Variants in NWD2 observed in about 807,000 individuals in gnomAD.
NWD2 encodes NACHT and WD repeat domain containing 2, also known as NACHT and WD repeat domain-containing protein 2.
Under a neutral mutation model 132.7 loss-of-function variants are expected in NWD2, and 37 were observed. That is an observed-to-expected ratio of 0.28 (90% CI 0.21 to 0.37). The LOEUF is 0.37. Ranked by LOEUF, NWD2 falls within the 10% of genes least tolerant of loss-of-function variation. The pLI is 1.00. For missense variants in NWD2, 1,592 were observed against 2,122.4 expected (o/e 0.75, Z 4.91); for synonymous variants, 705 against 803.0 (o/e 0.88, Z 2.06).
chr4:37,319,292 A>T (rs1406036275), intron 1 of NWD2, among the ~76,000 whole-genome samples: 1 of 152,000 alleles, frequency 6.6e-6, no homozygotes, highest in Non-Finnish European at 1.5e-5. Flanking sequence ...GTACCTCTTC[A>T]TGTCTTTTGC....
chr4:37,268,096 A>G (rs1334815100), intron 1 of NWD2, among the ~76,000 whole-genome samples: 1 of 151,872 alleles, frequency 6.6e-6, no homozygotes, highest in African/African-American at 2.4e-5. Flanking sequence ...GAAACATCAA[A>G]CTACTCTCAC....
intron 1 of NWD2, among the ~76,000 whole-genome samples, chr4:37,316,881 G>A (rs73807486): frequency 0.025 from 3,768 of 152,156 alleles, 152 homozygotes; most frequent in African/African-American, 0.086. Flanking sequence ...TCACCTCTGA[G>A]TGATGTTTTT....
intron 2 of NWD2, among the ~76,000 whole-genome samples, chr4:37,349,188 T>G (rs758126095): frequency 5.9e-5 from 9 of 152,112 alleles, no homozygotes; most frequent in Non-Finnish European, 1.2e-4. Flanking sequence ...AATCCTTTGG[T>G]TATATACCCA....
chr4:37,385,764 T>G (rs550860940), intron 3 of NWD2, among the ~76,000 whole-genome samples: 1 of 152,260 alleles, frequency 6.6e-6, no homozygotes, highest in South Asian at 2.1e-4. Context: ...ATTAATGATA[T>G]AAACATCCCT....
At chr4:37,314,997 T>C (rs1039565895) in intron 1 of NWD2, among the ~76,000 whole-genome samples, 1 of 152,172 alleles carries the variant, frequency 6.6e-6, no homozygotes, top group African/African-American at 2.4e-5. Context: ...CCTTTGTGAA[T>C]TTTTGATGCA....
intron 1 of NWD2, among the ~76,000 whole-genome samples, chr4:37,279,229 G>C (rs1718082218): frequency 6.6e-6 from 1 of 152,086 alleles, no homozygotes; most frequent in Admixed American, 6.6e-5. Flanking sequence ...CCATTTGGAA[G>C]CCAAAATAAA....
chr4:37,282,887 C>T (rs1718157074), intron 1 of NWD2, among the ~76,000 whole-genome samples: 2 of 152,132 alleles, frequency 1.3e-5, no homozygotes, highest in Admixed American at 1.3e-4. Context: ...GTAATTATAA[C>T]AGGTACTGTT....
intron 1 of NWD2, among the ~76,000 whole-genome samples, chr4:37,308,102 T>C (rs1560390722): frequency 1.3e-5 from 2 of 152,236 alleles, no homozygotes; most frequent in Non-Finnish European, 2.9e-5. Context: ...TTGCATCAAT[T>C]TCCTTTGCCT....
intron 3 of NWD2, among the ~76,000 whole-genome samples, chr4:37,372,167 A>T (rs1720242137): frequency 6.6e-6 from 1 of 152,208 alleles, no homozygotes; most frequent in African/African-American, 2.4e-5. Context: ...ACACTATATT[A>T]AAACTAAACA....
intron 1 of NWD2, among the ~76,000 whole-genome samples, chr4:37,288,666 ATC>A (rs1718294948): frequency 6.6e-6 from 1 of 152,210 alleles, no homozygotes; most frequent in South Asian, 2.1e-4. Flanking sequence ...AGGCTTCAGA[ATC>A]TCTTCTGCCT....
chr4:37,278,303 A>G (rs951076511), intron 1 of NWD2, among the ~76,000 whole-genome samples: 1 of 152,176 alleles, frequency 6.6e-6, no homozygotes, highest in Non-Finnish European at 1.5e-5. Context: ...CATGACTACA[A>G]CCTTGGGTGA....
intron 1 of NWD2, among the ~76,000 whole-genome samples, chr4:37,305,040 G>T (rs1381042523): frequency 6.6e-6 from 1 of 152,180 alleles, no homozygotes; most frequent in Admixed American, 6.5e-5. Flanking sequence ...CTAGGTGGAG[G>T]TTCTCAAACC....
In NWD2 at chr4:37,334,621, G is replaced by A. The variant is rs188487161; in HGVS notation, c.240+8597G>A. ...CTCATAAATCTGTCCCACATGGGCCGCTGGTACACTGAGCCAAGATTGAAT... is the reference window on the plus strand; with the variant it reads ...CTCATAAATCTGTCCCACATGGGCCACTGGTACACTGAGCCAAGATTGAAT... On this transcript the variant is annotated intron_variant, in intron 2 of 6. Transcript: ENST00000309447. 1.8e-4 allele frequency among the ~76,000 whole-genome samples: 28 copies of A among 152,250 alleles called. No individual in the cohort carries two copies. The East Asian group carries it at 3.3e-3, about 18-fold the overall frequency.
intron 3 of NWD2, among the ~76,000 whole-genome samples, chr4:37,364,213 G>A (rs1720040430): frequency 6.6e-6 from 1 of 152,200 alleles, no homozygotes; most frequent in Admixed American, 6.5e-5. Flanking sequence ...CTTAGTTACA[G>A]TATTGGAGAA....
chr4:37,388,862 T>C (rs1167409669), intron 3 of NWD2, among the ~76,000 whole-genome samples: 1 of 151,190 alleles, frequency 6.6e-6, no homozygotes, highest in Non-Finnish European at 1.5e-5. Flanking sequence ...TCTGTACATG[T>C]TAAGCAATAA....
chr4:37,270,070 C>T (rs1269215447), intron 1 of NWD2, among the ~76,000 whole-genome samples: 1 of 151,708 alleles, frequency 6.6e-6, no homozygotes. Flanking sequence ...CTGAAGAGTA[C>T]TGAAATTGGG....
intron 1 of NWD2, among the ~76,000 whole-genome samples, chr4:37,283,993 T>C (rs1361539532): frequency 1.3e-5 from 2 of 152,206 alleles, no homozygotes; most frequent in African/African-American, 2.4e-5. Flanking sequence ...TTTAAAAATA[T>C]TTGACAATAT....
chr4:37,292,367 C>T (rs961531579), intron 1 of NWD2, among the ~76,000 whole-genome samples: 7 of 152,138 alleles, frequency 4.6e-5, no homozygotes, highest in Admixed American at 2.0e-4. Context: ...GAAGGGACTG[C>T]TCTAGCCCCT....
At chr4:37,389,883 A>C (rs1395861951) in intron 3 of NWD2, among the ~76,000 whole-genome samples, 2 of 151,872 alleles carry the variant, frequency 1.3e-5, no homozygotes, top group East Asian at 3.9e-4. Context: ...CGGGTTCAAG[A>C]GATTCTCCTG....
Sources: allele counts gnomAD v4.1 joint callset (sites outside exome capture counted in the v4.1 genomes callset), GRCh38; gene constraint gnomAD v4.1.1; transcripts MANE v1.5; gene names NCBI Gene and HGNC (gene_info 2026-07-23, HGNC 2026-07-21).